GCH1: variants seen among roughly 807,000 people sequenced by gnomAD.
GCH1 encodes the protein GTP cyclohydrolase 1, also known as GTP cyclohydrolase I.
GCH1 carries 5 observed loss-of-function variants against 25.9 expected under a neutral mutation model. The ratio of observed to expected loss-of-function variants is 0.19; its 90% confidence interval spans 0.10 to 0.41. GCH1 has a LOEUF of 0.41. GCH1 is among the 10% of genes least tolerant of loss of function. GCH1 has a pLI of 1.00. For synonymous variants in GCH1, 159 were observed against 129.6 expected (o/e 1.23, Z -1.54); for missense variants, 261 against 336.5 (o/e 0.78, Z 1.75).
At chr14:54,884,420 G>A (rs979815751) in intron 1 of GCH1, among the ~76,000 whole-genome samples, 2 of 151,958 alleles carry the variant, frequency 1.3e-5, no homozygotes, top group African/African-American at 4.8e-5. Context: ...GCATGGAACA[G>A]AAACAAAATT....
At chr14:54,853,705 T>TA (rs2039768249) in intron 3 of GCH1, among the ~76,000 whole-genome samples, 1 of 152,168 alleles carries the variant, frequency 6.6e-6, no homozygotes, top group African/African-American at 2.4e-5. Context: ...TTAAGATTCT[T>TA]ACAACTACAT....
intron 1 of GCH1, among the ~76,000 whole-genome samples, chr14:54,877,471 C>T (rs2040178662): frequency 6.6e-6 from 1 of 152,106 alleles, no homozygotes; most frequent in Admixed American, 6.5e-5. Flanking sequence ...TATAGTAAGA[C>T]AGGCCCACAA....
rs1182064211 is a variant in GCH1, at chr14:54,871,695, T to C, written c.344-6259A>G. 6.6e-5 allele frequency among the ~76,000 whole-genome samples: 10 copies of C among 150,752 alleles called. No homozygotes were observed. In the East Asian group the frequency reaches 1.6e-3, roughly 23 times the overall value. On this transcript the variant is annotated intron_variant, in intron 1 of 5. Transcript: ENST00000491895. ...AAACCATGGCACGAGAACTACGTGA[T>C]GAATGCACAAGCCTCAGTAGCTGAT...
intron 2 of GCH1, among the ~76,000 whole-genome samples, 169 bp from the exon 3 acceptor site, chr14:54,859,905 T>C (rs528288083): frequency 6.6e-6 from 1 of 152,358 alleles, no homozygotes; most frequent in Admixed American, 6.5e-5. Context: ...GAAACATTTA[T>C]ATATGTATTT....
At chr14:54,884,205 T>C (rs2040313840) in intron 1 of GCH1, among the ~76,000 whole-genome samples, 1 of 152,176 alleles carries the variant, frequency 6.6e-6, no homozygotes, top group East Asian at 1.9e-4. Context: ...ATTGTAAAAC[T>C]GATAGTTCAC....
At chr14:54,872,404 T>C (rs1383181232) in intron 1 of GCH1, among the ~76,000 whole-genome samples, 1 of 152,158 alleles carries the variant, frequency 6.6e-6, no homozygotes, top group Non-Finnish European at 1.5e-5. Context: ...TGCCAAATTG[T>C]AAAGACCATT....
intron 1 of GCH1, among the ~76,000 whole-genome samples, chr14:54,899,476 A>T (rs531294210): frequency 4.6e-5 from 7 of 152,028 alleles, no homozygotes; most frequent in African/African-American, 1.7e-4. Flanking sequence ...GAAAATAAAC[A>T]TAATAATAAT....
chr14:54,885,918 A>C, intron 1 of GCH1: 1 of 193,898 alleles, frequency 5.2e-6, no homozygotes, highest in South Asian at 8.6e-5. Context: ...CAACAAAAAA[A>C]AACGGGCAAG....
chr14:54,879,548 T>C (rs772113543), intron 1 of GCH1, among the ~76,000 whole-genome samples: 2 of 150,634 alleles, frequency 1.3e-5, no homozygotes, highest in Non-Finnish European at 2.9e-5. Context: ...GACCCAGCAA[T>C]GAAAGTCAGT....
intron 2 of GCH1, among the ~76,000 whole-genome samples, chr14:54,860,849 A>T (rs1432367205): frequency 6.6e-6 from 1 of 152,000 alleles, no homozygotes; most frequent in Non-Finnish European, 1.5e-5. Flanking sequence ...CCATCTTCCT[A>T]ACTGGAGAAA....
In GCH1 at chr14:54,843,534, A is replaced by C. The variant is rs1264998748; in HGVS notation, c.*483T>G. 7.4e-7 allele frequency: 1 copy of C among 1,342,372 alleles called. No individual in the cohort carries two copies. Among genetic ancestry groups the C allele is most frequent in the Non-Finnish European group, 9.5e-7 (1 of 1,048,336 alleles). 83.2% of individuals were successfully genotyped at this position (1,342,372 alleles called of 1,614,324 possible). The stretch of plus-strand genomic sequence containing the variant: ...TGTCACTGGTGGTTTAATAAACATG[A>C]CCAAAGTGAAGTCTGTTGAACTTGA... On this transcript the variant is annotated 3_prime_UTR_variant, in exon 6 of 6. Transcript: ENST00000491895.
At chr14:54,849,499 T>C (rs1030424623) in intron 3 of GCH1, among the ~76,000 whole-genome samples, 1 of 152,198 alleles carries the variant, frequency 6.6e-6, no homozygotes, top group Non-Finnish European at 1.5e-5. Context: ...TTTTAGATAA[T>C]CGATATTTCT....
At chr14:54,851,321 T>C (rs1174162452) in intron 3 of GCH1, among the ~76,000 whole-genome samples, 2 of 152,094 alleles carry the variant, frequency 1.3e-5, no homozygotes, top group East Asian at 1.9e-4. Flanking sequence ...GGCAAGGACT[T>C]CATGACTAAA....
intron 1 of GCH1, among the ~76,000 whole-genome samples, chr14:54,879,303 C>G (rs1338531191): frequency 2.0e-5 from 3 of 151,862 alleles, no homozygotes. Context: ...CACCCGTAGT[C>G]CCAGCTACTT....
intron 1 of GCH1, among the ~76,000 whole-genome samples, chr14:54,867,762 G>T (rs1005198088): frequency 7.2e-5 from 11 of 152,048 alleles, no homozygotes; most frequent in African/African-American, 2.4e-4. Context: ...CTATGCAGGC[G>T]GAGCAAGTGC....
intron 1 of GCH1, among the ~76,000 whole-genome samples, chr14:54,892,971 C>T (rs2040442134): frequency 2.0e-5 from 3 of 152,066 alleles, no homozygotes; most frequent in Admixed American, 6.5e-5. Flanking sequence ...CCCAGCTACT[C>T]GGGAGGCCGA....
rs112283632 is a variant in GCH1, at chr14:54,862,593, G to GTTTTT, written c.453+2729_453+2733dup. Among the ~76,000 whole-genome samples, 155 of 97,476 alleles carry GTTTTT rather than the reference G, an allele frequency of 1.6e-3. 6 individuals carry two copies. The highest frequency in any genetic ancestry group is 7.0e-3 in the Middle Eastern group (1 of 142). The allele number at this position is 97,476 out of a possible 152,430, so 63.9% of individuals were successfully genotyped here. ...TTGTCTGTTTGGTTGATTGGTTTTCGTTTTTTTTTTTTTTGGTTGGTTTTT... is the reference window on the plus strand; with the variant it reads ...TTGTCTGTTTGGTTGATTGGTTTTCGTTTTTTTTTTTTTTTTTTTGGTTGGTTTTT... On this transcript the variant is annotated intron_variant, in intron 2 of 5. Coordinates refer to ENST00000491895, the MANE Select transcript of GCH1 (RefSeq NM_000161.3).
Position 54,842,276 on chromosome 14 carries a change from T to C in GCH1, c.*1741A>G, listed in dbSNP as rs992713418. On this transcript the variant is annotated 3_prime_UTR_variant, in exon 6 of 6. Transcript: ENST00000491895. ...ATACATTAGACCTTTATAAGAACAC[T>C]TCTAGGAAATGTTAGAACAACGAGT... 6.6e-5 allele frequency: 10 copies of C among 152,596 alleles called. No individual in the cohort carries two copies. Among genetic ancestry groups the C allele is most frequent in the African/African-American group, 9.7e-5 (4 of 41,418 alleles). The allele number at this position is 152,596 out of a possible 1,614,324, so 9.5% of individuals were successfully genotyped here.
chr14:54,896,874 G>A (rs143115013), intron 1 of GCH1, among the ~76,000 whole-genome samples: 26,429 of 144,904 alleles, frequency 0.18, 2,450 homozygotes, highest in Admixed American at 0.22. Flanking sequence ...AGCCCAGATC[G>A]CGCCACTGCA....
Sources: allele counts gnomAD v4.1 joint callset (sites outside exome capture counted in the v4.1 genomes callset), GRCh38; gene constraint gnomAD v4.1.1; transcripts MANE v1.5; gene names NCBI Gene and HGNC (gene_info 2026-07-23, HGNC 2026-07-21).